Variants in GXYLT2 observed in about 807,000 individuals in gnomAD.
GXYLT2 encodes glucoside xylosyltransferase 2.
In GXYLT2, 53 loss-of-function variants were observed where a neutral mutation model predicts 45.8. That is an observed-to-expected ratio of 1.16 (90% confidence interval 0.93 to 1.46). The LOEUF (loss-of-function observed/expected upper bound fraction) is 1.46. Ranked by LOEUF, GXYLT2 falls within the 40% of genes most tolerant of loss-of-function variation. The probability of loss-of-function intolerance (pLI) is 0.00; values close to 1 mark genes in which losing one functional copy is unlikely to be tolerated. For missense variants in GXYLT2, 551 were observed against 544.4 expected, an observed-to-expected ratio of 1.01 and a Z score of -0.12; for synonymous variants, 219 against 214.2, an observed-to-expected ratio of 1.02 and a Z score of -0.19.
intron 1 of GXYLT2, among the ~76,000 whole-genome samples, chr3:72,901,021 G>A (rs1163799550): frequency 6.6e-6 from 1 of 151,876 alleles, no homozygotes; most frequent in Non-Finnish European, 1.5e-5. Context: ...GGGTATGGTG[G>A]CTCACCCCTG....
chr3:72,900,572 A>C (rs931485217), intron 1 of GXYLT2, among the ~76,000 whole-genome samples: 2 of 151,572 alleles, frequency 1.3e-5, no homozygotes, highest in Non-Finnish European at 2.9e-5. Flanking sequence ...CCGCAACCAC[A>C]CCCAGCTACT....
chr3:72,961,368 T>A (rs1247180633), intron 5 of GXYLT2, among the ~76,000 whole-genome samples: 1 of 152,104 alleles, frequency 6.6e-6, no homozygotes, highest in Non-Finnish European at 1.5e-5. Context: ...GCAGATACTG[T>A]AAGAGGCCAG....
At chr3:72,969,452 T>C (rs1264733704) in intron 6 of GXYLT2, among the ~76,000 whole-genome samples, 1 of 151,902 alleles carries the variant, frequency 6.6e-6, no homozygotes, top group African/African-American at 2.4e-5. Flanking sequence ...ATGTCAGCAC[T>C]GGTAAATAAA....
At chr3:72,899,686 C>G (rs967226767) in intron 1 of GXYLT2, among the ~76,000 whole-genome samples, 1 of 152,148 alleles carries the variant, frequency 6.6e-6, no homozygotes, top group Non-Finnish European at 1.5e-5. Context: ...GACTCTTCTT[C>G]TAGGGGCCAT....
rs760516849 is a variant in GXYLT2, at chr3:72,922,284, G to A, written c.549G>A (p.Gln183=). Residue 183 remains glutamine, a synonymous_variant, in exon 3 of 7, where the codon CAG becomes CAA. Coordinates refer to ENST00000389617, the MANE Select transcript of GXYLT2 (RefSeq NM_001080393.2). ...YPITFSVGNP[Q]EWKKLFKPCA... The stretch of plus-strand genomic sequence containing the variant: ...TCACATTTTCTGTTGGAAACCCTCA[G>A]GAGTGGAAGAAATTGTTCAAACCCT... The A allele has an allele frequency of 2.5e-6, 4 of 1,613,830 alleles. No individual in the cohort carries two copies. In the South Asian group the frequency reaches 4.4e-5, roughly 18 times the overall value.
chr3:72,946,354 A>G (rs1344401248), intron 3 of GXYLT2, among the ~76,000 whole-genome samples: 1 of 151,292 alleles, frequency 6.6e-6, no homozygotes, highest in East Asian at 1.9e-4. Context: ...TAATGAACTT[A>G]GGAAATAAAG....
rs10662974 is a variant in GXYLT2 at position 72,966,458 on chromosome 3, C to CTTTTTTTT, written c.977-1075_977-1068dup. Among the ~76,000 whole-genome samples, 35 of 101,598 alleles carry CTTTTTTTT rather than the reference C, an allele frequency of 3.4e-4. 1 individual carries two copies. The highest frequency in any genetic ancestry group is 4.6e-4 in the Non-Finnish European group (26 of 56,186). 66.7% of individuals were successfully genotyped at this position (101,598 alleles called of 152,430 possible). A position where few individuals can be genotyped will look rare whatever the true frequency, so the allele number is the denominator to read the frequency against. On this transcript the variant is annotated intron_variant, in intron 5 of 6. Coordinates refer to ENST00000389617, the MANE Select transcript of GXYLT2 (RefSeq NM_001080393.2). ...ATTTTTGACATTTTTTTGTGTGTAT[C>CTTTTTTTT]TTTTTTTTTTTTTTTTTTTTTGATA...
At chr3:72,941,346 G>A (rs942984405) in intron 3 of GXYLT2, among the ~76,000 whole-genome samples, 3 of 152,146 alleles carry the variant, frequency 2.0e-5, no homozygotes, top group African/African-American at 7.2e-5. Flanking sequence ...CTGTTGCAGA[G>A]TCAAGTCCAG....
intron 3 of GXYLT2, among the ~76,000 whole-genome samples, chr3:72,934,725 G>A (rs1559740302): frequency 6.6e-6 from 1 of 152,168 alleles, no homozygotes; most frequent in Non-Finnish European, 1.5e-5. Context: ...GTAAAACAGG[G>A]GGTCTCTGGA....
At chr3:72,891,703 T>C (rs558821851) in intron 1 of GXYLT2, among the ~76,000 whole-genome samples, 21 of 152,226 alleles carry the variant, frequency 1.4e-4, no homozygotes, top group African/African-American at 4.6e-4. Flanking sequence ...AAGACACATA[T>C]ACAATAAGTC....
chr3:72,895,784 A>T lies in GXYLT2; in HGVS notation c.275+7276A>T, dbSNP rs114044442. 6.5e-3 allele frequency among the ~76,000 whole-genome samples: 989 copies of T among 152,310 alleles called. 12 individuals are homozygous for T. Among genetic ancestry groups the T allele is most frequent in the African/African-American group, 0.023 (944 of 41,562 alleles). On this transcript the variant is annotated intron_variant, in intron 1 of 6. Coordinates refer to ENST00000389617, the MANE Select transcript of GXYLT2 (RefSeq NM_001080393.2). ...TTGGAAAAAGAAGTTTTTTGACATG[A>T]TACCTTCATTGGGAGTTGCTGATTT...
chr3:72,954,437 T>TGTGTGTGTG (rs1710591828), intron 3 of GXYLT2, among the ~76,000 whole-genome samples: 4 of 42,050 alleles, frequency 9.5e-5, no homozygotes, highest in African/African-American at 3.9e-4. Context: ...GTGTGTGTAT[T>TGTGTGTGTG]TGTATTTATA....
chr3:72,931,598 A>G (rs9942050), intron 3 of GXYLT2, among the ~76,000 whole-genome samples: 7,332 of 152,162 alleles, frequency 0.048, 554 homozygotes, highest in African/African-American at 0.16. Context: ...TACAATGAAA[A>G]TGAAGATACA....
At chr3:72,920,819 T>TATATATATATGTA (rs1491486551) in intron 2 of GXYLT2, among the ~76,000 whole-genome samples, 5 of 96,554 alleles carry the variant, frequency 5.2e-5, no homozygotes, top group African/African-American at 2.7e-4. Context: ...TATATATGTA[T>TATATATATATGTA]TTTTTTTTTT....
intron 3 of GXYLT2, among the ~76,000 whole-genome samples, chr3:72,944,180 T>C (rs1043512466): frequency 1.3e-5 from 2 of 151,418 alleles, no homozygotes; most frequent in Admixed American, 1.3e-4. Context: ...CTCAACCTCC[T>C]GGGTTCAAGC....
At chr3:72,911,223 G>A (rs572652987) in intron 2 of GXYLT2, among the ~76,000 whole-genome samples, 11 of 152,096 alleles carry the variant, frequency 7.2e-5, no homozygotes, top group African/African-American at 2.2e-4. Context: ...CCTGGGAGGC[G>A]GAGTTGCAGT....
intron 1 of GXYLT2, among the ~76,000 whole-genome samples, chr3:72,904,888 A>AT (rs1419462594): frequency 8.0e-4 from 46 of 57,654 alleles, no homozygotes; most frequent in South Asian, 2.9e-3. Context: ...AAAAAAAAAA[A>AT]AAAAAAAAAA....
At chr3:72,938,583 A>C (rs972367918) in intron 3 of GXYLT2, among the ~76,000 whole-genome samples, 2 of 152,200 alleles carry the variant, frequency 1.3e-5, no homozygotes, top group African/African-American at 4.8e-5. Flanking sequence ...GGCTAACGGA[A>C]TGTCTACAGC....
intron 3 of GXYLT2, among the ~76,000 whole-genome samples, chr3:72,933,506 A>C (rs1351606222): frequency 6.6e-6 from 1 of 152,222 alleles, no homozygotes; most frequent in Admixed American, 6.5e-5. Context: ...GTTGAAAGTG[A>C]TCATATATGA....
Sources: allele counts gnomAD v4.1 joint callset (sites outside exome capture counted in the v4.1 genomes callset), GRCh38; gene constraint gnomAD v4.1.1; transcripts MANE v1.5; gene names NCBI Gene and HGNC (gene_info 2026-07-23, HGNC 2026-07-21).